Variants in GPC5 observed in about 807,000 individuals in gnomAD.
GPC5 encodes glypican 5, also known as glypican-5.
A neutral mutation model predicts 53.9 loss-of-function variants in GPC5; 47 were observed. That is an observed-to-expected ratio of 0.87 (90% CI 0.69 to 1.11). The LOEUF is 1.11. GPC5 is among the 50% of genes most tolerant of loss of function. The probability of loss-of-function intolerance (pLI) is 0.00; values close to 1 mark genes in which losing one functional copy is unlikely to be tolerated. For synonymous variants in GPC5, 286 were observed against 263.3 expected (o/e 1.09, Z -0.84); for missense variants, 748 against 713.1 (o/e 1.05, Z -0.56).
At chr13:92,453,806 A>T (rs1455285454) in intron 7 of GPC5, among the ~76,000 whole-genome samples, 1 of 152,216 alleles carries the variant, frequency 6.6e-6, no homozygotes, top group Admixed American at 6.5e-5. Flanking sequence ...TGTCAATTTT[A>T]TATAAATGTT....
intron 1 of GPC5, among the ~76,000 whole-genome samples, chr13:91,442,053 G>A (rs1880473977): frequency 6.6e-6 from 1 of 152,182 alleles, no homozygotes; most frequent in Admixed American, 6.5e-5. Context: ...TGGAGAATGT[G>A]TGTTATCAAC....
intron 5 of GPC5, among the ~76,000 whole-genome samples, chr13:91,833,665 G>GA (rs1419706110): frequency 2.6e-5 from 4 of 152,080 alleles, no homozygotes; most frequent in African/African-American, 9.7e-5. Flanking sequence ...AATAGATGCA[G>GA]AAAAAGTCTT....
At chr13:92,061,451 G>T (rs532671174) in intron 6 of GPC5, among the ~76,000 whole-genome samples, 1 of 151,968 alleles carries the variant, frequency 6.6e-6, no homozygotes, top group African/African-American at 2.4e-5. Context: ...GAAATTTAGT[G>T]CATTTACATA....
chr13:91,657,763 A>G (rs1348581742), intron 2 of GPC5, among the ~76,000 whole-genome samples: 1 of 152,208 alleles, frequency 6.6e-6, no homozygotes, highest in Non-Finnish European at 1.5e-5. Context: ...TCTGGCATCA[A>G]CATGGAAATA....
intron 2 of GPC5, among the ~76,000 whole-genome samples, chr13:91,600,252 T>C (rs1213935214): frequency 1.3e-5 from 2 of 151,978 alleles, no homozygotes; most frequent in Non-Finnish European, 2.9e-5. Context: ...AGCTACTTGA[T>C]CTAGCAAAAA....
At chr13:92,800,025 A>G (rs1391982020) in intron 7 of GPC5, among the ~76,000 whole-genome samples, 1 of 151,838 alleles carries the variant, frequency 6.6e-6, no homozygotes, top group Admixed American at 6.6e-5. Flanking sequence ...AGCCCTAGAT[A>G]TTCATATCAT....
At position 91,874,699 on chromosome 13, in the gene GPC5, C is replaced by T. The variant is rs181552325; in HGVS notation, c.1281-33238C>T. On this transcript the variant is annotated intron_variant, in intron 5 of 7. Coordinates refer to ENST00000377067, the MANE Select transcript of GPC5 (RefSeq NM_004466.6). Reference sequence around the variant, plus strand: ...GCAAGAAATAAGGCAACCAAACTACCTCTGCCCAGGGTTTTGCTGAAAGTG... The same window carrying T: ...GCAAGAAATAAGGCAACCAAACTACTTCTGCCCAGGGTTTTGCTGAAAGTG... Among the ~76,000 whole-genome samples, 843 of 152,262 alleles carry T rather than the reference C, an allele frequency of 5.5e-3. 6 individuals carry two copies. The highest frequency in any genetic ancestry group is 0.018 in the African/African-American group (755 of 41,542).
chr13:92,790,337 A>C (rs2138773647), intron 7 of GPC5, among the ~76,000 whole-genome samples: 1 of 152,288 alleles, frequency 6.6e-6, no homozygotes, highest in African/African-American at 2.4e-5. Flanking sequence ...AAGAAGAGAT[A>C]ATTTTGAAGA....
chr13:91,418,726 A>G (rs992446823), intron 1 of GPC5, among the ~76,000 whole-genome samples: 2 of 152,126 alleles, frequency 1.3e-5, no homozygotes, highest in African/African-American at 2.4e-5. Flanking sequence ...GCCACAATCA[A>G]ATTTGCATTT....
chr13:92,541,066 A>G (rs1259445969), intron 7 of GPC5, among the ~76,000 whole-genome samples: 1 of 151,924 alleles, frequency 6.6e-6, no homozygotes, highest in Non-Finnish European at 1.5e-5. Context: ...GTTTATTATA[A>G]TGATGTTAAT....
chr13:92,312,255 T>A (rs1442531520), intron 7 of GPC5, among the ~76,000 whole-genome samples: 1 of 152,168 alleles, frequency 6.6e-6, no homozygotes, highest in Non-Finnish European at 1.5e-5. Context: ...TCTTTTCACT[T>A]TTCTCTTTCC....
chr13:92,200,688 A>G (rs1235716441), intron 7 of GPC5, among the ~76,000 whole-genome samples: 4 of 152,324 alleles, frequency 2.6e-5, no homozygotes, highest in African/African-American at 9.6e-5. Flanking sequence ...TTGTAAAACC[A>G]TGGGGGAGTT....
chr13:92,706,505 G>GCC (rs1887956292), intron 7 of GPC5, among the ~76,000 whole-genome samples: 1 of 152,046 alleles, frequency 6.6e-6, no homozygotes, highest in Non-Finnish European at 1.5e-5. Context: ...CTTCAAAGAA[G>GCC]TATAGAGCCA....
intron 7 of GPC5, among the ~76,000 whole-genome samples, chr13:92,547,996 A>ATTTTTTTTTT (rs35318055): frequency 7.3e-6 from 1 of 136,214 alleles, no homozygotes; most frequent in African/African-American, 2.7e-5. Context: ...CGCCTGGCTA[A>ATTTTTTTTTT]TTTTTTTTTT....
intron 2 of GPC5, among the ~76,000 whole-genome samples, chr13:91,524,722 G>A (rs1886005195): frequency 6.6e-6 from 1 of 152,124 alleles, no homozygotes; most frequent in Non-Finnish European, 1.5e-5. Context: ...ACTGATAGGA[G>A]CTGAGGGCCA....
intron 7 of GPC5, among the ~76,000 whole-genome samples, chr13:92,705,467 G>T (rs912117697): frequency 1.3e-5 from 2 of 151,904 alleles, no homozygotes; most frequent in African/African-American, 4.8e-5. Context: ...TCCATATTGA[G>T]ATATACTGTA....
intron 7 of GPC5, among the ~76,000 whole-genome samples, chr13:92,504,953 T>A (rs1244791830): frequency 6.6e-6 from 1 of 150,990 alleles, no homozygotes; most frequent in Non-Finnish European, 1.5e-5. Flanking sequence ...AGCAAGACCA[T>A]GAAAGTCATA....
chr13:91,690,563 T>G (rs1197858148), intron 2 of GPC5, among the ~76,000 whole-genome samples: 1 of 152,200 alleles, frequency 6.6e-6, no homozygotes, highest in East Asian at 1.9e-4. Flanking sequence ...TCTTCAACAT[T>G]GCTTTTACAA....
chr13:91,540,476 G>A, intron 2 of GPC5, among the ~76,000 whole-genome samples: 1 of 152,216 alleles, frequency 6.6e-6, no homozygotes, highest in East Asian at 1.9e-4. Context: ...GAGAAATGAA[G>A]AGTGACTGCT....
Sources: gnomAD v4.1 joint callset for allele counts (sites outside exome capture counted in the v4.1 genomes callset) on GRCh38, gnomAD v4.1.1 for gene constraint, MANE v1.5 for transcripts, NCBI Gene and HGNC (gene_info 2026-07-23, HGNC 2026-07-21) for gene names.